The following WDR7 variants were observed in gnomAD, a reference collection of about 807,000 sequenced individuals.
The protein encoded by WDR7 is WD repeat domain 7, also known as WD repeat-containing protein 7.
A neutral mutation model predicts 169.4 loss-of-function variants in WDR7; 46 were observed. That is an observed-to-expected ratio of 0.27 (90% CI 0.21 to 0.35). The LOEUF is 0.35. Ranked by LOEUF, WDR7 falls within the 10% of genes least tolerant of loss-of-function variation. The pLI is 1.00. For missense variants in WDR7, 1,534 were observed against 1,859.3 expected (o/e 0.83, Z 3.22); for synonymous variants, 612 against 666.8 (o/e 0.92, Z 1.27).
chr18:56,846,222 A>G (rs984915585), intron 20 of WDR7, among the ~76,000 whole-genome samples: 12 of 152,144 alleles, frequency 7.9e-5, no homozygotes, highest in Non-Finnish European at 1.2e-4. Context: ...AGGTGGGCCT[A>G]CTGGGAGGTG....
chr18:56,908,747 G>A (rs2046513428), intron 21 of WDR7, among the ~76,000 whole-genome samples: 1 of 152,116 alleles, frequency 6.6e-6, no homozygotes, highest in African/African-American at 2.4e-5. Context: ...ACCCAGCACA[G>A]GACCTACCAG....
At position 56,831,824 on chromosome 18, in the gene WDR7, A is replaced by G. The variant is rs192932826; in HGVS notation, c.3304+15680A>G. Among the ~76,000 whole-genome samples, 277 of 152,278 alleles carry G rather than the reference A, an allele frequency of 1.8e-3. 2 individuals carry two copies. Among genetic ancestry groups the G allele is most frequent in the African/African-American group, 5.8e-3 (240 of 41,564 alleles). On this transcript the variant is annotated intron_variant, in intron 20 of 27. Coordinates refer to ENST00000254442, the MANE Select transcript of WDR7 (RefSeq NM_015285.3). ...CCAACCCAGATGCTATGCTTTTCCC[A>G]TGGTCTTCACAACCTGCAGATCAGG...
In WDR7 at chr18:56,757,061, G is replaced by C. The variant is rs374461079; in HGVS notation, c.2468G>C (p.Arg823Pro). The C allele has an allele frequency of 1.7e-5, 27 of 1,614,094 alleles. No homozygotes were observed. Among genetic ancestry groups the C allele is most frequent in the Non-Finnish European group, 2.2e-5 (26 of 1,180,000 alleles). Residue 823 changes from arginine (R) to proline (P), a missense_variant, in exon 15 of 28, where the codon CGC (arginine) becomes CCC (proline). By Grantham distance (103) the Arg-to-Pro change is moderately radical. Transcript: ENST00000254442. ...NEVLDEVCLD[R>P]LGMLKPHCTV... ...GTACTGGATGAAGTTTGCCTGGATC[G>C]CCTTGGAATGCTGAAACCCCACTGC...
intron 16 of WDR7, among the ~76,000 whole-genome samples, chr18:56,762,530 A>G (rs900117765): frequency 2.3e-4 from 35 of 152,034 alleles, no homozygotes; most frequent in Non-Finnish European, 4.7e-4. Flanking sequence ...CTCTGATTCT[A>G]AATTTTCAAA....
At position 56,994,312 on chromosome 18, in the gene WDR7, C is replaced by G. The variant is rs1617534; in HGVS notation, c.4165-26433C>G. Among the ~76,000 whole-genome samples the G allele has an allele frequency of 6.1e-3, 926 of 152,258 alleles. 8 individuals are homozygous for G. Among genetic ancestry groups the G allele is most frequent in the African/African-American group, 0.021 (878 of 41,546 alleles). Reference sequence around the variant, plus strand: ...GTGCTAGGATTACAGGCTTGAGCCACTGCACCAGCCCATTCATTACTATTT... The same window carrying G: ...GTGCTAGGATTACAGGCTTGAGCCAGTGCACCAGCCCATTCATTACTATTT... On this transcript the variant is annotated intron_variant, in intron 26 of 27. Transcript: ENST00000254442.
At chr18:56,781,218 C>T (rs1202938717) in intron 18 of WDR7, among the ~76,000 whole-genome samples, 2 of 152,038 alleles carry the variant, frequency 1.3e-5, no homozygotes, top group African/African-American at 4.8e-5. Flanking sequence ...CATTAAAGTT[C>T]AAAAATGCTT....
At chr18:56,730,549 G>T (rs1263634654) in intron 13 of WDR7, among the ~76,000 whole-genome samples, 1 of 152,180 alleles carries the variant, frequency 6.6e-6, no homozygotes, top group East Asian at 1.9e-4. Flanking sequence ...GGCGGATCAC[G>T]AGGTCAGGAG....
Position 57,027,660 on chromosome 18 carries a change from T to C in WDR7, c.*453T>C, listed in dbSNP as rs1224180669. On this transcript the variant is annotated 3_prime_UTR_variant, in exon 28 of 28. Transcript: ENST00000254442. ...TGAGGTCATGTGGCAGTCCTCACGATTGAAATTATTGCCCTTTGAATTACC... is the reference window on the plus strand; with the variant it reads ...TGAGGTCATGTGGCAGTCCTCACGACTGAAATTATTGCCCTTTGAATTACC... 2 of 160,952 alleles carry C rather than the reference T, an allele frequency of 1.2e-5. No homozygotes were observed. The highest frequency in any genetic ancestry group is 6.4e-5 in the Admixed American group (1 of 15,632). The allele number at this position is 160,952 out of a possible 1,614,324, so 10.0% of individuals were successfully genotyped here. A position where few individuals can be genotyped will look rare whatever the true frequency, so the allele number is the denominator to read the frequency against.
intron 26 of WDR7, among the ~76,000 whole-genome samples, chr18:57,016,624 A>AGG (rs2048211134): frequency 6.6e-6 from 1 of 152,232 alleles, no homozygotes; most frequent in African/African-American, 2.4e-5. Context: ...AAATCATTTT[A>AGG]GAAATTCTCA....
intron 20 of WDR7, 29 bp downstream of exon 20, chr18:56,816,173 T>C: frequency 6.4e-7 from 1 of 1,570,614 alleles, no homozygotes; most frequent in East Asian, 2.2e-5. Context: ...AACGTCTGAT[T>C]GGAGCTTTGT....
intron 12 of WDR7, among the ~76,000 whole-genome samples, chr18:56,701,701 T>G (rs2144668961): frequency 6.6e-6 from 1 of 152,318 alleles, no homozygotes; most frequent in East Asian, 1.9e-4. Context: ...TAACTTTTCA[T>G]CTGTACTTGG....
intron 26 of WDR7, among the ~76,000 whole-genome samples, chr18:56,979,561 A>G (rs1344342609): frequency 6.6e-6 from 1 of 152,196 alleles, no homozygotes; most frequent in Non-Finnish European, 1.5e-5. Context: ...TGCTCCGAAC[A>G]GGGACATTTT....
rs544356610 is a variant in WDR7, at chr18:56,990,295, CT to C, written c.4164+27767del. Among the ~76,000 whole-genome samples the C allele has an allele frequency of 2.1e-3, 314 of 152,308 alleles. 5 individuals carry two copies. The highest frequency in any genetic ancestry group is 0.018 in the Admixed American group (277 of 15,300). On this transcript the variant is annotated intron_variant, in intron 26 of 27. Coordinates refer to ENST00000254442, the MANE Select transcript of WDR7 (RefSeq NM_015285.3). Reference sequence around the variant, plus strand: ...CAGTAGAAGCTGCTGCCAGTGTTGCCTAGCAGGAAAGGAACTTGGAGCAATC... The same window carrying C: ...CAGTAGAAGCTGCTGCCAGTGTTGCCAGCAGGAAAGGAACTTGGAGCAATC...
chr18:56,990,644 G>T (rs2145856070), intron 26 of WDR7, among the ~76,000 whole-genome samples: 1 of 152,242 alleles, frequency 6.6e-6, no homozygotes, highest in East Asian at 1.9e-4. Context: ...TTTCCATCAT[G>T]ATTTTAAAAT....
rs1319958807 is a variant in WDR7, at chr18:56,953,205, AT to A, written c.4065-9224del. Among the ~76,000 whole-genome samples, 16 of 152,354 alleles carry A rather than the reference AT, an allele frequency of 1.1e-4. No individual in the cohort carries two copies. The South Asian group carries it at 3.3e-3, about 32-fold the overall frequency. ...TTTGATTTTAAAACATCTCTAAAAA[AT>A]AAACCGTATTTTTAAAAAAGCATAT... On this transcript the variant is annotated intron_variant, in intron 25 of 27. Coordinates refer to ENST00000254442, the MANE Select transcript of WDR7 (RefSeq NM_015285.3).
At chr18:56,699,202 T>C (rs1264000480) in intron 12 of WDR7, among the ~76,000 whole-genome samples, 1 of 152,232 alleles carries the variant, frequency 6.6e-6, no homozygotes, top group Non-Finnish European at 1.5e-5. Flanking sequence ...TAGGTGGTTT[T>C]ATGCACATCA....
chr18:56,692,499 C>T (rs1254158709), intron 9 of WDR7, among the ~76,000 whole-genome samples: 3 of 142,142 alleles, frequency 2.1e-5, no homozygotes, highest in African/African-American at 2.6e-5. Flanking sequence ...CTGAACATTA[C>T]GTCTCACGTT....
intron 20 of WDR7, among the ~76,000 whole-genome samples, chr18:56,817,971 C>G (rs1344820310): frequency 1.3e-5 from 2 of 152,104 alleles, no homozygotes; most frequent in African/African-American, 4.8e-5. Context: ...TCTCAAATTC[C>G]TGACCTTGTG....
chr18:56,827,003 G>A (rs1364398455), intron 20 of WDR7, among the ~76,000 whole-genome samples: 1 of 152,176 alleles, frequency 6.6e-6, no homozygotes, highest in African/African-American at 2.4e-5. Flanking sequence ...ATTCTCTGTA[G>A]CTGGGAGAAT....
Sources: gnomAD v4.1 joint callset for allele counts (sites outside exome capture counted in the v4.1 genomes callset) on GRCh38, gnomAD v4.1.1 for gene constraint, MANE v1.5 for transcripts, NCBI Gene and HGNC (gene_info 2026-07-23, HGNC 2026-07-21) for gene names.